The following CDS1 variants were observed in gnomAD, a reference collection of about 807,000 sequenced individuals.
CDS1 encodes CDP-diacylglycerol synthase 1.
A neutral mutation model predicts 62.1 loss-of-function variants in CDS1; 41 were observed. That is an observed-to-expected ratio of 0.66 (90% CI 0.51 to 0.86). CDS1 has a LOEUF of 0.86. CDS1 is among the 40% of genes least tolerant of loss of function. The pLI is 0.00. For missense variants in CDS1, 470 were observed against 550.1 expected (o/e 0.85, Z 1.46); for synonymous variants, 185 against 192.6 (o/e 0.96, Z 0.32).
chr4:84,618,537 A>G (rs1418968070), intron 4 of CDS1, among the ~76,000 whole-genome samples: 1 of 152,216 alleles, frequency 6.6e-6, no homozygotes, highest in Admixed American at 6.5e-5. Context: ...AATGAAGACA[A>G]GTTTTGGATA....
chr4:84,610,540 G>A (rs1048436075), intron 3 of CDS1, among the ~76,000 whole-genome samples: 1 of 152,132 alleles, frequency 6.6e-6, no homozygotes, highest in Non-Finnish European at 1.5e-5. Flanking sequence ...CAGGCATTAC[G>A]TTAGTTCTAG....
chr4:84,603,348 C>T (rs560912226), intron 1 of CDS1, among the ~76,000 whole-genome samples: 6 of 152,274 alleles, frequency 3.9e-5, no homozygotes, highest in Non-Finnish European at 8.8e-5. Context: ...CTCCAGTTTC[C>T]TCCTCTGTAA....
chr4:84,612,845 G>A (rs1049904363), intron 3 of CDS1, among the ~76,000 whole-genome samples: 9 of 151,584 alleles, frequency 5.9e-5, no homozygotes, highest in Admixed American at 4.6e-4. Flanking sequence ...AAAATTAGCC[G>A]GGTGGTAGAG....
chr4:84,609,315 G>A (rs915983833), intron 2 of CDS1, 114 bp from the exon 3 acceptor site: 1 of 615,496 alleles, frequency 1.6e-6, no homozygotes, highest in Non-Finnish European at 2.9e-6. Context: ...TATATAAAGT[G>A]AAGTAGTAGA....
At position 84,583,610 on chromosome 4, in the gene CDS1, G is replaced by A; in HGVS notation, c.117+92G>A. 4.3e-6 allele frequency: 3 copies of A among 693,386 alleles called. No homozygotes were observed. In the South Asian group the frequency reaches 6.0e-5, roughly 14 times the overall value. The allele number at this position is 693,386 out of a possible 1,614,324, so 43.0% of individuals were successfully genotyped here. ...AGAGCAAGGGTGGGGCCCGTCCAGC[G>A]TCAGGTGAGGCTGCACGCTGCCGGT... On this transcript the variant is annotated intron_variant, in intron 1 of 12. Transcript: ENST00000295887.
intron 2 of CDS1, among the ~76,000 whole-genome samples, chr4:84,606,334 G>A (rs1578026666): frequency 6.6e-6 from 1 of 151,640 alleles, no homozygotes; most frequent in East Asian, 1.9e-4. Flanking sequence ...GTGTGTGTAT[G>A]TGTGTGTATG....
intron 8 of CDS1, among the ~76,000 whole-genome samples, chr4:84,638,182 G>A (rs1485505576): frequency 6.6e-6 from 1 of 152,022 alleles, no homozygotes; most frequent in Admixed American, 6.6e-5. Flanking sequence ...TTTTCCTCCT[G>A]CCCCAACACC....
chr4:84,633,335 A>G (rs1213164560), intron 6 of CDS1, among the ~76,000 whole-genome samples: 1 of 152,204 alleles, frequency 6.6e-6, no homozygotes, highest in Non-Finnish European at 1.5e-5. Flanking sequence ...TGTCACGATC[A>G]CCCTTCAAGT....
At chr4:84,633,559 T>C (rs1724088013) in intron 6 of CDS1, among the ~76,000 whole-genome samples, 1 of 152,242 alleles carries the variant, frequency 6.6e-6, no homozygotes, top group African/African-American at 2.4e-5. Context: ...ATCACTTAAA[T>C]CTAATGATTC....
chr4:84,600,587 A>G (rs1722906405), intron 1 of CDS1, among the ~76,000 whole-genome samples: 1 of 152,176 alleles, frequency 6.6e-6, no homozygotes, highest in South Asian at 2.1e-4. Flanking sequence ...CTTTGTTGTC[A>G]ATCTGTTGAC....
intron 12 of CDS1, among the ~76,000 whole-genome samples, chr4:84,646,857 A>G (rs542610671): frequency 6.6e-6 from 1 of 152,316 alleles, no homozygotes; most frequent in African/African-American, 2.4e-5. Context: ...ATCAGTTACT[A>G]AGAGAGCTTT....
At chr4:84,604,098 G>T in intron 1 of CDS1, 145 bp from the exon 2 acceptor site, 3 of 650,228 alleles carry the variant, frequency 4.6e-6, no homozygotes, top group Non-Finnish European at 5.2e-6. Context: ...GTATAGCAGT[G>T]CTAAGATTTT....
chr4:84,632,793 A>G lies in CDS1; in HGVS notation c.639+916A>G, dbSNP rs149911268. Among the ~76,000 whole-genome samples, 365 of 152,342 alleles carry G rather than the reference A, an allele frequency of 2.4e-3. 1 individual carries two copies. Among genetic ancestry groups the G allele is most frequent in the African/African-American group, 8.3e-3 (345 of 41,578 alleles). On this transcript the variant is annotated intron_variant, in intron 6 of 12. Transcript: ENST00000295887. ...TAGAATAAAATAGAGCAACCAATAT[A>G]ATATGGTTGCTTAAATGGGAAACAG...
At chr4:84,612,279 GAGAATTTATTTGGAATTAAGAATTAAGA>G (rs1030527005) in intron 3 of CDS1, among the ~76,000 whole-genome samples, 7 of 152,042 alleles carry the variant, frequency 4.6e-5, no homozygotes, top group African/African-American at 1.7e-4. Context: ...AGTATTTTGG[GAGAATTTATTTGGAATTAAGAATTAAGA>G]AGAATTTATT....
intron 1 of CDS1, among the ~76,000 whole-genome samples, chr4:84,599,127 T>G (rs1487966975): frequency 6.6e-6 from 1 of 152,152 alleles, no homozygotes; most frequent in African/African-American, 2.4e-5. Context: ...ATAAACATGC[T>G]GGCCAATTTG....
At chr4:84,615,091 G>A (rs577895205) in intron 3 of CDS1, among the ~76,000 whole-genome samples, 1 of 152,212 alleles carries the variant, frequency 6.6e-6, no homozygotes, top group East Asian at 1.9e-4. Flanking sequence ...CCTCAACTCT[G>A]ATCTTAGTTG....
intron 5 of CDS1, among the ~76,000 whole-genome samples, chr4:84,627,430 A>G (rs1262744306): frequency 6.6e-6 from 1 of 152,288 alleles, no homozygotes; most frequent in East Asian, 1.9e-4. Flanking sequence ...TAGAGTCTAG[A>G]TATATATTAA....
chr4:84,604,897 C>T (rs1054741851), intron 2 of CDS1, among the ~76,000 whole-genome samples: 3 of 152,096 alleles, frequency 2.0e-5, no homozygotes, highest in East Asian at 1.9e-4. Flanking sequence ...GGATTACAGG[C>T]GTGAAACATG....
intron 5 of CDS1, among the ~76,000 whole-genome samples, chr4:84,630,111 A>G (rs1434658419): frequency 6.6e-6 from 1 of 152,202 alleles, no homozygotes; most frequent in African/African-American, 2.4e-5. Flanking sequence ...AAAACAGCAT[A>G]GAAATTATGT....
Sources: allele counts gnomAD v4.1 joint callset (sites outside exome capture counted in the v4.1 genomes callset), GRCh38; gene constraint gnomAD v4.1.1; transcripts MANE v1.5; gene names NCBI Gene and HGNC (gene_info 2026-07-23, HGNC 2026-07-21).